Variants in CNTNAP5 observed in about 807,000 individuals in gnomAD.
CNTNAP5 encodes the protein contactin-associated protein-like 5.
Under a neutral mutation model 150.2 loss-of-function variants are expected in CNTNAP5, and 72 were observed. That is an observed-to-expected ratio of 0.48 (90% CI 0.40 to 0.58). The LOEUF (loss-of-function observed/expected upper bound fraction) is 0.58. CNTNAP5 is among the 20% of genes least tolerant of loss of function. The pLI, the probability that CNTNAP5 is intolerant of heterozygous loss-of-function variation, is 0.00. For missense variants in CNTNAP5, 1,636 were observed against 1,626.2 expected (o/e 1.01, Z -0.10); for synonymous variants, 672 against 619.8 (o/e 1.08, Z -1.25).
chr2:124,808,620 C>T (rs947472952), intron 19 of CNTNAP5, among the ~76,000 whole-genome samples: 1 of 150,178 alleles, frequency 6.7e-6, no homozygotes, highest in Non-Finnish European at 1.5e-5. Flanking sequence ...AATCAAATAA[C>T]TTTTTATTTT....
At chr2:124,809,435 G>GTC (rs771819815) in intron 19 of CNTNAP5, among the ~76,000 whole-genome samples, 2 of 150,712 alleles carry the variant, frequency 1.3e-5, no homozygotes, top group East Asian at 2.0e-4. Flanking sequence ...AAGAAACGGA[G>GTC]TCTCTCTCTC....
At chr2:124,474,087 A>C (rs1693582794) in intron 6 of CNTNAP5, among the ~76,000 whole-genome samples, 1 of 152,022 alleles carries the variant, frequency 6.6e-6, no homozygotes, top group Non-Finnish European at 1.5e-5. Context: ...TATTGTTGAC[A>C]TCATACTTTA....
At chr2:124,767,955 G>A (rs1362353337) in intron 16 of CNTNAP5, among the ~76,000 whole-genome samples, 8 of 152,192 alleles carry the variant, frequency 5.3e-5, no homozygotes, top group African/African-American at 1.7e-4. Flanking sequence ...CTCCTGAGAG[G>A]CCACTCACTT....
intron 14 of CNTNAP5, among the ~76,000 whole-genome samples, chr2:124,752,594 A>C (rs749029001): frequency 6.6e-6 from 1 of 152,186 alleles, no homozygotes; most frequent in Non-Finnish European, 1.5e-5. Context: ...GGGTTTTTCT[A>C]TCTCAGCCAA....
chr2:124,752,083 A>G (rs902179461), intron 14 of CNTNAP5, among the ~76,000 whole-genome samples: 9 of 152,182 alleles, frequency 5.9e-5, no homozygotes, highest in Admixed American at 1.3e-4. Context: ...ATAGCCAGTC[A>G]GTAAGGATGC....
chr2:124,569,724 CA>C (rs1283064282), intron 11 of CNTNAP5, among the ~76,000 whole-genome samples: 2 of 152,160 alleles, frequency 1.3e-5, no homozygotes, highest in Non-Finnish European at 2.9e-5. Flanking sequence ...GCTCATTTTT[CA>C]GCTTTGCAGA....
At chr2:124,142,887 C>G (rs975374940) in intron 1 of CNTNAP5, among the ~76,000 whole-genome samples, 6 of 150,176 alleles carry the variant, frequency 4.0e-5, no homozygotes. Flanking sequence ...AATTGATAGA[C>G]CGCTAGCAAG....
intron 1 of CNTNAP5, among the ~76,000 whole-genome samples, chr2:124,134,264 A>G (rs554100935): frequency 9.9e-4 from 150 of 152,282 alleles, no homozygotes; most frequent in Non-Finnish European, 1.9e-3. Flanking sequence ...GTAAAAGAAA[A>G]GAAAATTACA....
rs1185085800 is a variant in CNTNAP5 at position 124,737,304 on chromosome 2, A to T, written c.2078-9925A>T. On this transcript the variant is annotated intron_variant, in intron 13 of 23. Coordinates refer to ENST00000682447, the MANE Select transcript of CNTNAP5 (RefSeq NM_001367498.1). ...AGACTCCATCTCAAAAAAAAAAAAA[A>T]AATTGGGAACGATAGCGTGATGTTG... 2.0e-5 allele frequency among the ~76,000 whole-genome samples: 3 copies of T among 151,878 alleles called. No homozygotes were observed. In the East Asian group the frequency reaches 5.8e-4, roughly 29 times the overall value.
At chr2:124,510,148 C>G (rs1694523889) in intron 8 of CNTNAP5, among the ~76,000 whole-genome samples, 1 of 151,450 alleles carries the variant, frequency 6.6e-6, no homozygotes, top group South Asian at 2.1e-4. Flanking sequence ...GCAGAGACTG[C>G]AGTGAGCCAA....
At chr2:124,869,807 T>G (rs901119351) in intron 21 of CNTNAP5, 45 bp downstream of exon 21, 17 of 1,149,390 alleles carry the variant, frequency 1.5e-5, no homozygotes, top group Non-Finnish European at 2.2e-5. Flanking sequence ...TTTATTAAAA[T>G]AAATGAATGC....
At chr2:124,065,332 T>C (rs1321832643) in intron 1 of CNTNAP5, among the ~76,000 whole-genome samples, 2 of 152,168 alleles carry the variant, frequency 1.3e-5, no homozygotes, top group African/African-American at 4.8e-5. Context: ...CACATAACAC[T>C]GGTATCATAC....
intron 3 of CNTNAP5, among the ~76,000 whole-genome samples, chr2:124,269,499 G>A (rs1353773842): frequency 1.3e-5 from 2 of 152,126 alleles, no homozygotes; most frequent in Admixed American, 6.5e-5. Context: ...TCCAGTGAGC[G>A]ACAGGAGTTT....
At chr2:124,498,916 G>T (rs1694212694) in intron 7 of CNTNAP5, among the ~76,000 whole-genome samples, 1 of 152,092 alleles carries the variant, frequency 6.6e-6, no homozygotes, top group Non-Finnish European at 1.5e-5. Flanking sequence ...AGAAACAAGT[G>T]GGAATATTAG....
At chr2:124,751,278 C>T (rs897038591) in intron 14 of CNTNAP5, among the ~76,000 whole-genome samples, 2 of 152,162 alleles carry the variant, frequency 1.3e-5, no homozygotes, top group African/African-American at 4.8e-5. Context: ...TAAAAATCAC[C>T]GGCCTCTTAA....
intron 6 of CNTNAP5, among the ~76,000 whole-genome samples, chr2:124,458,022 A>G (rs1368623912): frequency 8.8e-6 from 1 of 113,638 alleles, no homozygotes; most frequent in African/African-American, 3.2e-5. Flanking sequence ...TTAAAGAACT[A>G]AAAGTAGAAC....
At chr2:124,438,495 A>G (rs1476406467) in intron 5 of CNTNAP5, among the ~76,000 whole-genome samples, 2 of 152,190 alleles carry the variant, frequency 1.3e-5, no homozygotes, top group Non-Finnish European at 2.9e-5. Flanking sequence ...TGTTTATGCA[A>G]TCCCCAATAC....
chr2:124,413,343 A>G (rs1293376397), intron 3 of CNTNAP5, among the ~76,000 whole-genome samples: 18 of 151,360 alleles, frequency 1.2e-4, no homozygotes, highest in African/African-American at 4.1e-4. Flanking sequence ...GGGATCTAGA[A>G]CTAGAAATAT....
chr2:124,357,035 C>A (rs370160701), intron 3 of CNTNAP5, among the ~76,000 whole-genome samples: 8 of 152,280 alleles, frequency 5.3e-5, no homozygotes, highest in South Asian at 4.1e-4. Context: ...TGTGGTTTTG[C>A]TTTGCATTTC....
Sources: allele counts gnomAD v4.1 joint callset (sites outside exome capture counted in the v4.1 genomes callset), GRCh38; gene constraint gnomAD v4.1.1; transcripts MANE v1.5; gene names NCBI Gene and HGNC (gene_info 2026-07-23, HGNC 2026-07-21).